Variants in TIGD2 observed in about 807,000 individuals in gnomAD.
TIGD2 encodes the protein tigger transposable element-derived protein 2.
Under a neutral mutation model 27.0 loss-of-function variants are expected in TIGD2, and 14 were observed. That is an observed-to-expected ratio of 0.52 (90% CI 0.34 to 0.81). The LOEUF (loss-of-function observed/expected upper bound fraction) is 0.81. Ranked by LOEUF, TIGD2 falls within the 30% of genes least tolerant of loss-of-function variation. The pLI, the probability that TIGD2 is intolerant of heterozygous loss-of-function variation, is 0.01. For missense variants in TIGD2, 590 were observed against 617.3 expected, an observed-to-expected ratio of 0.96 and a Z score of 0.47; for synonymous variants, 201 against 209.0, an observed-to-expected ratio of 0.96 and a Z score of 0.33.
At position 89,113,954 on chromosome 4, in the gene TIGD2, G is replaced by C. The variant is rs567069002; in HGVS notation, c.980G>C (p.Ser327Thr). The C allele has an allele frequency of 2.5e-6, 4 of 1,614,036 alleles. No homozygotes were observed. The highest frequency in any genetic ancestry group is 3.4e-6 in the Non-Finnish European group (4 of 1,179,942). ...PNVTSLIQPM[S>T]QGVLATVKRY... ...GTCACAAGTCTGATTCAACCAATGA[G>C]CCAGGGAGTTCTAGCCACTGTAAAA... is the stretch of plus-strand genomic sequence containing the variant. The change falls in exon 2 of 2, where the codon AGC becomes ACC. Residue 327 changes from serine to threonine, a missense_variant. Around this residue, in one of 3 missense-constraint regions of TIGD2, gnomAD observed 451 missense variants for 448.0 expected, o/e 1.01. Coordinates refer to ENST00000603357, the MANE Select transcript of TIGD2 (RefSeq NM_145715.3).
At position 89,113,128 on chromosome 4, in the gene TIGD2, A is replaced by C. The variant is rs1412957891; in HGVS notation, c.154A>C (p.Ile52Leu). The change falls in exon 2 of 2, where the codon ATT (isoleucine) becomes CTT (leucine). Residue 52 changes from isoleucine to leucine, a missense_variant. By Grantham distance (5) the Ile-to-Leu change is conservative (BLOSUM62 2). Coordinates refer to ENST00000603357, the MANE Select transcript of TIGD2 (RefSeq NM_145715.3). Reference protein sequence around the residue: ...VRDIKKNKERIINYANSSDPT... With the variant: ...VRDIKKNKERLINYANSSDPT... ...TGATATTAAAAAGAACAAAGAAAGG[A>C]TTATAAACTATGCAAACAGTTCAGA... The C allele has an allele frequency of 2.5e-6, 4 of 1,613,984 alleles. No homozygotes were observed. Among genetic ancestry groups the C allele is most frequent in the Non-Finnish European group, 2.5e-6 (3 of 1,180,030 alleles).
Position 89,112,915 on chromosome 4 carries a change from T to C in TIGD2, c.-60T>C, listed in dbSNP as rs1304376168. The C allele has an allele frequency of 1.4e-6, 2 of 1,418,050 alleles. No individual in the cohort carries two copies. Among genetic ancestry groups the C allele is most frequent in the Non-Finnish European group, 1.9e-6 (2 of 1,047,742 alleles). 87.8% of individuals were successfully genotyped at this position (1,418,050 alleles called of 1,614,324 possible). A position where few individuals can be genotyped will look rare whatever the true frequency, so the allele number is the denominator to read the frequency against. On this transcript the variant is annotated 5_prime_UTR_variant, in exon 2 of 2. Transcript: ENST00000603357. ...AACTCATTTTCTAGTTGCTTTGTAT[T>C]CAAATCTTAGTTGTTAATTATCTTG... is the stretch of plus-strand genomic sequence containing the variant.
At position 89,112,168 on chromosome 4, in the gene TIGD2, C is replaced by T; in HGVS notation, c.-807C>T. 1 of 152,294 alleles carries T rather than the reference C, an allele frequency of 6.6e-6. No individual in the cohort carries two copies. Among genetic ancestry groups the T allele is most frequent in the Non-Finnish European group, 1.5e-5 (1 of 68,042 alleles). The allele number at this position is 152,294 out of a possible 1,614,324, so 9.4% of individuals were successfully genotyped here. Reference sequence around the variant, plus strand: ...AGGATTATTGTAACATCATCTTCACCGAGCCTGCCACCCCATAGCCTCTAC... The same window carrying T: ...AGGATTATTGTAACATCATCTTCACTGAGCCTGCCACCCCATAGCCTCTAC... On this transcript the variant is annotated 5_prime_UTR_variant, in exon 2 of 2. Transcript: ENST00000603357.
rs1297641257 is a variant in TIGD2, at chr4:89,114,151, G to C, written c.1177G>C (p.Glu393Gln). The change falls in exon 2 of 2, where the codon GAA becomes CAA. Residue 393 changes from glutamate (E) to glutamine (Q), a missense_variant. Glu to Gln is a conservative substitution (Grantham distance 29). Around this residue, in one of 3 missense-constraint regions of TIGD2, gnomAD observed 451 missense variants for 448.0 expected, o/e 1.01. Coordinates refer to ENST00000603357, the MANE Select transcript of TIGD2 (RefSeq NM_145715.3). Reference sequence around the variant, plus strand: ...ATGGAAAAAACTTTTCCCTGGCAATGAAGAGAATTCAGGTATGAACATTGA... The same window carrying C: ...ATGGAAAAAACTTTTCCCTGGCAATCAAGAGAATTCAGGTATGAACATTGA... ...KAWKKLFPGN[E>Q]ENSGMNIDEG... The C allele has an allele frequency of 1.9e-6, 3 of 1,613,998 alleles. No homozygotes were observed. The highest frequency in any genetic ancestry group is 1.7e-6 in the Non-Finnish European group (2 of 1,180,004).
Position 89,113,997 on chromosome 4 carries a change from A to T in TIGD2, c.1023A>T (p.Gly341=). ...CTGTAAAAAGATACTATCGAGCAGG[A>T]CTTCTCCAGAAATACATGGATGAAG... ...LATVKRYYRA[G]LLQKYMDEGN... is the part of the protein sequence containing the mutation. Residue 341 remains glycine (G), a synonymous_variant, in exon 2 of 2, where the codon GGA becomes GGT. Transcript: ENST00000603357. 1.2e-6 allele frequency: 2 copies of T among 1,614,128 alleles called. No homozygotes were observed. The highest frequency in any genetic ancestry group is 2.7e-5 in the African/African-American group (2 of 75,068).
upstream of TIGD2, chr4:89,111,351 C>A (rs2149217445): frequency 2.2e-6 from 1 of 460,106 alleles, no homozygotes; most frequent in Non-Finnish European, 2.9e-6. Flanking sequence ...GGAGGCACTG[C>A]GGCCCCGAAA....
rs1477683111 is a variant in TIGD2 at position 89,112,172 on chromosome 4, C to G, written c.-803C>G. On this transcript the variant is annotated 5_prime_UTR_variant, in exon 2 of 2. Coordinates refer to ENST00000603357, the MANE Select transcript of TIGD2 (RefSeq NM_145715.3). ...TTATTGTAACATCATCTTCACCGAGCCTGCCACCCCATAGCCTCTACCTTG... is the reference window on the plus strand; with the variant it reads ...TTATTGTAACATCATCTTCACCGAGGCTGCCACCCCATAGCCTCTACCTTG... 3.9e-5 allele frequency: 6 copies of G among 152,212 alleles called. No homozygotes were observed. The highest frequency in any genetic ancestry group is 2.0e-4 in the Admixed American group (3 of 15,280). 9.4% of individuals were successfully genotyped at this position (152,212 alleles called of 1,614,324 possible).
In TIGD2 at chr4:89,114,409, A is replaced by G. The variant is rs570814596; in HGVS notation, c.1435A>G (p.Lys479Glu). The G allele has an allele frequency of 1.9e-6, 3 of 1,614,174 alleles. No homozygotes were observed. In the East Asian group the frequency reaches 6.7e-5, roughly 36 times the overall value. Residue 479 changes from lysine (K) to glutamate (E), a missense_variant, in exon 2 of 2, where the codon AAA (lysine) becomes GAA (glutamate). By Grantham distance (56) the Lys-to-Glu change is moderately conservative (BLOSUM62 1). Transcript: ENST00000603357. ...GAATCCAGAGAAGCATATTAGCCAT[A>G]AAGCGGCACTTGAATGGACTGAAAA... is the stretch of plus-strand genomic sequence containing the variant. ...ELNPEKHISH[K>E]AALEWTENLL...
rs1721169921 is a variant in TIGD2, at chr4:89,114,264, G to A, written c.1290G>A (p.Gln430=). 1 of 1,614,020 alleles carries A rather than the reference G, an allele frequency of 6.2e-7. No individual in the cohort carries two copies. The highest frequency in any genetic ancestry group is 1.1e-5 in the South Asian group (1 of 91,088). ...ATGTTGACATTGAGAATATTGATCAGTGGTTCGACTCTCGGAGCAGTGACT... is the reference window on the plus strand; with the variant it reads ...ATGTTGACATTGAGAATATTGATCAATGGTTCGACTCTCGGAGCAGTGACT... ...CEHVDIENID[Q]WFDSRSSDSS... The change falls in exon 2 of 2, where the codon CAG becomes CAA. Residue 430 remains glutamine, a synonymous_variant. Transcript: ENST00000603357.
At position 89,114,158 on chromosome 4, in the gene TIGD2, A is replaced by G; in HGVS notation, c.1184A>G (p.Asn395Ser). Residue 395 changes from asparagine (N) to serine (S), a missense_variant, in exon 2 of 2, where the codon AAT (asparagine) becomes AGT (serine). Physicochemically the swap from Asn to Ser is conservative, Grantham distance 46. Around this residue, in one of 3 missense-constraint regions of TIGD2, gnomAD observed 451 missense variants for 448.0 expected, o/e 1.01. Transcript: ENST00000603357. ...WKKLFPGNEE[N>S]SGMNIDEGAI... ...AAACTTTTCCCTGGCAATGAAGAGAATTCAGGTATGAACATTGATGAAGGA... is the reference window on the plus strand; with the variant it reads ...AAACTTTTCCCTGGCAATGAAGAGAGTTCAGGTATGAACATTGATGAAGGA... 6.2e-7 allele frequency: 1 copy of G among 1,614,168 alleles called. No individual in the cohort carries two copies. Among genetic ancestry groups the G allele is most frequent in the Admixed American group, 1.7e-5 (1 of 60,028 alleles).
Position 89,113,076 on chromosome 4 carries a change from G to A in TIGD2, c.102G>A (p.Val34=). ...EGISFKKLSV[V]YGIGESTVRD... is the part of the protein sequence containing the mutation. Reference sequence around the variant, plus strand: ...TCTCTTTCAAAAAACTTTCCGTGGTGTACGGAATTGGTGAATCCACAGTTC... The same window carrying A: ...TCTCTTTCAAAAAACTTTCCGTGGTATACGGAATTGGTGAATCCACAGTTC... The change falls in exon 2 of 2, where the codon GTG becomes GTA. Residue 34 remains valine, a synonymous_variant. Coordinates refer to ENST00000603357, the MANE Select transcript of TIGD2 (RefSeq NM_145715.3). 4.3e-6 allele frequency: 7 copies of A among 1,613,778 alleles called. No individual in the cohort carries two copies. Among genetic ancestry groups the A allele is most frequent in the Non-Finnish European group, 5.1e-6 (6 of 1,179,940 alleles).
In TIGD2 at chr4:89,114,433, A is replaced by C. The variant is rs1231282155; in HGVS notation, c.1459A>C (p.Asn487His). ...SHKAALEWTE[N>H]LLDYLEQQDD... is the part of the protein sequence containing the mutation. The stretch of plus-strand genomic sequence containing the variant: ...TAAAGCGGCACTTGAATGGACTGAA[A>C]ATTTACTGGATTATCTTGAACAACA... The change falls in exon 2 of 2, where the codon AAT becomes CAT. Residue 487 changes from asparagine (N) to histidine (H), a missense_variant. Physicochemically the swap from Asn to His is moderately conservative, Grantham distance 68 (BLOSUM62 1). This residue lies in a region of TIGD2 where 451 missense variants were observed against 448.0 expected (regional missense o/e 1.01). Transcript: ENST00000603357. 6.2e-7 allele frequency: 1 copy of C among 1,614,146 alleles called. No individual in the cohort carries two copies. The highest frequency in any genetic ancestry group is 2.2e-5 in the East Asian group (1 of 44,886).
Position 89,113,848 on chromosome 4 carries a change from G to C in TIGD2, c.874G>C (p.Asp292His). Residue 292 changes from aspartate (D) to histidine (H), a missense_variant, in exon 2 of 2, where the codon GAT becomes CAT. Asp to His is a moderately conservative substitution (Grantham distance 81, BLOSUM62 -1). Around this residue, in one of 3 missense-constraint regions of TIGD2, gnomAD observed 451 missense variants for 448.0 expected, o/e 1.01. Transcript: ENST00000603357. ...TTTAGAAAAAGCAGTGCTTCTTTTA[G>C]ATTTCCCCCCAGCACGTCCAAATGA... is the stretch of plus-strand genomic sequence containing the variant. Reference protein sequence around the residue: ...GLLEKAVLLLDFPPARPNEEM... With the variant: ...GLLEKAVLLLHFPPARPNEEM... 6 of 1,614,184 alleles carry C rather than the reference G, an allele frequency of 3.7e-6. No individual in the cohort carries two copies. Among genetic ancestry groups the C allele is most frequent in the Admixed American group, 1.7e-5 (1 of 60,026 alleles).
Position 89,112,779 on chromosome 4 carries a change from T to C in TIGD2, c.-196T>C, listed in dbSNP as rs1721124751. 3.8e-6 allele frequency: 2 copies of C among 531,474 alleles called. No individual in the cohort carries two copies. The highest frequency in any genetic ancestry group is 5.8e-5 in the South Asian group (2 of 34,386). 32.9% of individuals were successfully genotyped at this position (531,474 alleles called of 1,614,324 possible). A position where few individuals can be genotyped will look rare whatever the true frequency, so the allele number is the denominator to read the frequency against. On this transcript the variant is annotated 5_prime_UTR_variant, in exon 2 of 2. Transcript: ENST00000603357. ...GATAAGAGTTAATTGGCGCTAGGCT[T>C]TGTTGTAGGAAGTTTGTAAGTTTTA...
At chr4:89,112,029 T>C (rs1721096173) in intron 1 of TIGD2, 38 bp from the exon 2 acceptor site, 1 of 152,250 alleles carries the variant, frequency 6.6e-6, no homozygotes, top group Non-Finnish European at 1.5e-5. Context: ...GATCCTGATG[T>C]TGAATTGAAA....
upstream of TIGD2, chr4:89,111,361 A>C: frequency 5.5e-6 from 2 of 365,368 alleles, no homozygotes; most frequent in Non-Finnish European, 7.6e-6. Context: ...CGGCCCCGAA[A>C]CGGCCAGGCG....
At position 89,112,183 on chromosome 4, in the gene TIGD2, A is replaced by G. The variant is rs985561105; in HGVS notation, c.-792A>G. 1.3e-5 allele frequency: 2 copies of G among 152,104 alleles called. No homozygotes were observed. The highest frequency in any genetic ancestry group is 4.8e-5 in the African/African-American group (2 of 41,400). The allele number at this position is 152,104 out of a possible 1,614,324, so 9.4% of individuals were successfully genotyped here. ...TCATCTTCACCGAGCCTGCCACCCC[A>G]TAGCCTCTACCTTGGGTCCTCATTT... On this transcript the variant is annotated 5_prime_UTR_variant, in exon 2 of 2. Transcript: ENST00000603357.
In TIGD2 at chr4:89,114,545, A is replaced by G. The variant is rs556849460; in HGVS notation, c.1571A>G (p.Asn524Ser). The change falls in exon 2 of 2, where the codon AAT becomes AGT. Residue 524 changes from asparagine to serine, a missense_variant. This residue lies in a region of TIGD2 where 451 missense variants were observed against 448.0 expected (regional missense o/e 1.01). Coordinates refer to ENST00000603357, the MANE Select transcript of TIGD2 (RefSeq NM_145715.3). ...RKKQKIQNNK[N>S]H is the part of the protein sequence containing the mutation. ...AAACAGAAGATCCAAAATAACAAAA[A>G]TCATTAATAAGGCTCTTAAGTATTT... 3 of 1,580,588 alleles carry G rather than the reference A, an allele frequency of 1.9e-6. No individual in the cohort carries two copies. In the South Asian group the frequency reaches 3.5e-5, roughly 18 times the overall value.
Position 89,114,017 on chromosome 4 carries a change from A to G in TIGD2, c.1043A>G (p.Asp348Gly). The change falls in exon 2 of 2, where the codon GAT (aspartate) becomes GGT (glycine). Residue 348 changes from aspartate (D) to glycine (G), a missense_variant. Asp to Gly is a moderately conservative substitution (Grantham distance 94). Around this residue, in one of 3 missense-constraint regions of TIGD2, gnomAD observed 451 missense variants for 448.0 expected, o/e 1.01. Transcript: ENST00000603357. ...GCAGGACTTCTCCAGAAATACATGG[A>G]TGAAGGAAATGACCCAAAAATATTT... is the stretch of plus-strand genomic sequence containing the variant. ...YRAGLLQKYMDEGNDPKIFWK... is the reference protein window; with the variant it reads ...YRAGLLQKYMGEGNDPKIFWK... The G allele has an allele frequency of 6.2e-7, 1 of 1,614,084 alleles. No homozygotes were observed. The highest frequency in any genetic ancestry group is 8.5e-7 in the Non-Finnish European group (1 of 1,180,016).
Sources: gnomAD v4.1 joint callset for allele counts on GRCh38, gnomAD v4.1.1 for gene constraint, gnomAD v4.1.1 regional missense constraint, MANE v1.5 for transcripts, NCBI Gene and HGNC (gene_info 2026-07-23, HGNC 2026-07-21) for gene names.